Variants in TUBE1 observed in about 807,000 individuals in gnomAD.
TUBE1 encodes tubulin epsilon 1.
TUBE1 carries 34 observed loss-of-function variants against 53.5 expected under a neutral mutation model. The observed-to-expected ratio is 0.64, with a 90% CI of 0.48 to 0.85. The LOEUF is 0.85. Ranked by LOEUF, TUBE1 falls within the 40% of genes least tolerant of loss-of-function variation. The pLI is 0.00. For missense variants in TUBE1, 532 were observed against 570.5 expected, an observed-to-expected ratio of 0.93 and a Z score of 0.69; for synonymous variants, 177 against 198.4, an observed-to-expected ratio of 0.89 and a Z score of 0.91.
Position 112,072,201 on chromosome 6 carries a change from T to C in TUBE1, c.1095-125A>G, listed in dbSNP as rs1227645583. ...ATGGTATCAATCTACTTGCTTAGTT[T>C]AGACGCTAAGTTATCTATTTTTTAC... is the stretch of plus-strand genomic sequence containing the variant. On this transcript the variant is annotated intron_variant, in intron 10 of 11. Transcript: ENST00000368662. 6 of 658,106 alleles carry C rather than the reference T, an allele frequency of 9.1e-6. No individual in the cohort carries two copies. The African/African-American group carries it at 1.1e-4, about 12-fold the overall frequency. The allele number at this position is 658,106 out of a possible 1,614,324, so 40.8% of individuals were successfully genotyped here. A position where few individuals can be genotyped will look rare whatever the true frequency, so the allele number is the denominator to read the frequency against.
intron 4 of TUBE1, 112 bp from the exon 5 acceptor site, chr6:112,081,319 CTTAA>C: frequency 2.2e-6 from 1 of 456,302 alleles, no homozygotes; most frequent in Non-Finnish European, 3.7e-6. Context: ...ATAGTTTAAG[CTTAA>C]TTAAAATCTT....
At position 112,084,358 on chromosome 6, in the gene TUBE1, A is replaced by G. The variant is rs781919584; in HGVS notation, c.153-112T>C. On this transcript the variant is annotated intron_variant, in intron 3 of 11. Transcript: ENST00000368662. ...AATAAGACTGCTTATAGGCCAGGTA[A>G]GGCAGACACAACAGCTATTCCTAAT... is the stretch of plus-strand genomic sequence containing the variant. 3.8e-5 allele frequency: 31 copies of G among 811,004 alleles called. No individual in the cohort carries two copies. The African/African-American group carries it at 4.8e-4, about 13-fold the overall frequency. 50.2% of individuals were successfully genotyped at this position (811,004 alleles called of 1,614,324 possible). A position where few individuals can be genotyped will look rare whatever the true frequency, so the allele number is the denominator to read the frequency against.
At chr6:112,082,161 A>G (rs143105846) in intron 4 of TUBE1, among the ~76,000 whole-genome samples, 97 of 152,332 alleles carry the variant, frequency 6.4e-4, no homozygotes, top group African/African-American at 2.3e-3. Context: ...ATACAGCAGT[A>G]TATCATAAAG....
chr6:112,080,383 A>AT (rs1777051507), intron 5 of TUBE1, among the ~76,000 whole-genome samples: 1 of 152,104 alleles, frequency 6.6e-6, no homozygotes, highest in South Asian at 2.1e-4. Context: ...AAGTTACATA[A>AT]TAAGTTATAC....
chr6:112,077,832 A>G (rs1776997659), intron 6 of TUBE1: 1 of 152,092 alleles, frequency 6.6e-6, no homozygotes. Flanking sequence ...AAAAATAACA[A>G]GACAAACTTA....
intron 3 of TUBE1, 137 bp from the exon 4 acceptor site, chr6:112,084,383 T>C (rs1378232826): frequency 1.5e-6 from 1 of 674,730 alleles, no homozygotes; most frequent in African/African-American, 1.8e-5. Context: ...CTATTCCTAA[T>C]CTCTTTCTTC....
chr6:112,074,814 A>G lies in TUBE1; in HGVS notation c.849T>C (p.Leu283=). The stretch of plus-strand genomic sequence containing the variant: ...GAACTAAATTCATGCTGATTTCATT[A>G]AGGTCCATATTAAGGGACCCTTCAA... ...ARFEGSLNMD[L]NEISMNLVPF... Residue 283 remains leucine, a synonymous_variant, in exon 9 of 12, where the codon CTT becomes CTC. Transcript: ENST00000368662. 1 of 1,606,366 alleles carries G rather than the reference A, an allele frequency of 6.2e-7. No homozygotes were observed. Among genetic ancestry groups the G allele is most frequent in the Non-Finnish European group, 8.5e-7 (1 of 1,177,350 alleles).
chr6:112,072,506 C>T (rs997455634), intron 10 of TUBE1, among the ~76,000 whole-genome samples: 6 of 152,032 alleles, frequency 3.9e-5, no homozygotes, highest in Non-Finnish European at 8.8e-5. Flanking sequence ...AGTATAGCTA[C>T]GATTTTCTGA....
Position 112,076,305 on chromosome 6 carries a change from C to G in TUBE1, c.636+17G>C, listed in dbSNP as rs892496849. ...TATATATAACATTTATTCATAAGTT[C>G]CAATGTCATTTCTTACTTGATTGTC... is the stretch of plus-strand genomic sequence containing the variant. On this transcript the variant is annotated intron_variant, in intron 7 of 11. Transcript: ENST00000368662. The G allele has an allele frequency of 5.0e-5, 77 of 1,547,066 alleles. No homozygotes were observed. In the East Asian group the frequency reaches 1.7e-3, roughly 35 times the overall value.
chr6:112,077,885 C>T (rs1400951983), intron 6 of TUBE1: 1 of 152,004 alleles, frequency 6.6e-6, no homozygotes, highest in African/African-American at 2.4e-5. Context: ...GACTAAGTTT[C>T]TCTAAGAAAG....
In TUBE1 at chr6:112,076,378, A is replaced by G. The variant is rs1424129359; in HGVS notation, c.580T>C (p.Leu194=). Reference sequence around the variant, plus strand: ...TGCTCATTAAGTTCCTTCATTGCCAAGATGCTATTATAAGGTGAGGTTATG... The same window carrying G: ...TGCTCATTAAGTTCCTTCATTGCCAGGATGCTATTATAAGGTGAGGTTATG... ...DVITSPYNSI[L]AMKELNEHAD... is the part of the protein sequence containing the mutation. Residue 194 remains leucine (L), a synonymous_variant, in exon 7 of 12, where the codon TTG becomes CTG. Coordinates refer to ENST00000368662, the MANE Select transcript of TUBE1 (RefSeq NM_016262.5). The G allele has an allele frequency of 2.5e-6, 4 of 1,609,056 alleles. No homozygotes were observed. Among genetic ancestry groups the G allele is most frequent in the Non-Finnish European group, 3.4e-6 (4 of 1,178,114 alleles).
intron 9 of TUBE1, among the ~76,000 whole-genome samples, chr6:112,073,887 C>A (rs190690967): frequency 8.1e-4 from 123 of 152,232 alleles, no homozygotes; most frequent in African/African-American, 2.9e-3. Context: ...GTGATCCTCC[C>A]ACTTCAGTCT....
At chr6:112,076,693 C>T (rs1776977220) in intron 6 of TUBE1, 184 bp from the exon 7 acceptor site, 2 of 451,740 alleles carry the variant, frequency 4.4e-6, no homozygotes, top group Admixed American at 4.0e-5. Context: ...CCTCAGCCTC[C>T]CAAGTATCTG....
At chr6:112,073,007 C>T (rs1450636733) in intron 9 of TUBE1, 109 bp from the exon 10 acceptor site, 12 of 832,404 alleles carry the variant, frequency 1.4e-5, no homozygotes, top group Non-Finnish European at 1.9e-5. Flanking sequence ...AAATATTACA[C>T]TAACAAAATA....
chr6:112,072,308 C>T (rs1776882923), intron 10 of TUBE1, among the ~76,000 whole-genome samples: 2 of 152,218 alleles, frequency 1.3e-5, no homozygotes, highest in East Asian at 3.9e-4. Context: ...TGTTGTGATT[C>T]AAGAAGCTAG....
At chr6:112,081,813 AG>A (rs1777075873) in intron 4 of TUBE1, among the ~76,000 whole-genome samples, 1 of 149,596 alleles carries the variant, frequency 6.7e-6, no homozygotes. Flanking sequence ...AAAAAAAAAC[AG>A]AAAAAAAAAA....
chr6:112,085,654 C>T (rs751395729), intron 3 of TUBE1: 1 of 471,120 alleles, frequency 2.1e-6, no homozygotes, highest in East Asian at 6.9e-5. Context: ...ATAAATGATA[C>T]CAGCCATTAA....
chr6:112,084,155 A>G (rs1170143898), intron 4 of TUBE1, 34 bp downstream of exon 4: 8 of 1,485,760 alleles, frequency 5.4e-6, no homozygotes, highest in Admixed American at 1.7e-5. Context: ...TAAAAAATAC[A>G]TGTAATATAA....
chr6:112,087,257 T>C lies in TUBE1; in HGVS notation c.75A>G (p.Leu25=). ...QIGCCFWDLA[L]REHAAVNQKG... ...CCTGGTTGACCGCGGCGTGCTCCCT[T>C]AGTGCCAGGTCCCAGAAGCAGCAGC... The change falls in exon 2 of 12, where the codon CTA becomes CTG. Residue 25 remains leucine (L), a synonymous_variant. Coordinates refer to ENST00000368662, the MANE Select transcript of TUBE1 (RefSeq NM_016262.5). 1 of 1,551,604 alleles carries C rather than the reference T, an allele frequency of 6.4e-7. No individual in the cohort carries two copies. The highest frequency in any genetic ancestry group is 1.4e-5 in the African/African-American group (1 of 73,170).
Sources: allele counts gnomAD v4.1 joint callset (sites outside exome capture counted in the v4.1 genomes callset), GRCh38; gene constraint gnomAD v4.1.1; transcripts MANE v1.5; gene names NCBI Gene and HGNC (gene_info 2026-07-23, HGNC 2026-07-21).